The following PTPRT variants were observed in gnomAD, a reference collection of about 807,000 sequenced individuals.
PTPRT encodes the protein receptor-type tyrosine-protein phosphatase T.
A neutral mutation model predicts 176.8 loss-of-function variants in PTPRT; 56 were observed. The ratio of observed to expected loss-of-function variants is 0.32; its 90% confidence interval spans 0.26 to 0.40. The LOEUF is 0.40. PTPRT is among the 10% of genes least tolerant of loss of function. The pLI is 1.00. For synonymous variants in PTPRT, 783 were observed against 739.0 expected, an observed-to-expected ratio of 1.06 and a Z score of -0.96; for missense variants, 1,540 against 1,908.2, an observed-to-expected ratio of 0.81 and a Z score of 3.60.
chr20:43,115,910 G>A (rs996032306), intron 1 of PTPRT, among the ~76,000 whole-genome samples: 2 of 152,208 alleles, frequency 1.3e-5, no homozygotes, highest in Non-Finnish European at 2.9e-5. Flanking sequence ...TCAGCAAACT[G>A]CAGCAATTAT....
chr20:43,159,105 G>C (rs1288355429), intron 1 of PTPRT, among the ~76,000 whole-genome samples: 1 of 152,122 alleles, frequency 6.6e-6, no homozygotes, highest in Non-Finnish European at 1.5e-5. Flanking sequence ...GCCAGTGAAG[G>C]GTGTGTTCTC....
intron 13 of PTPRT, among the ~76,000 whole-genome samples, chr20:42,258,523 T>C (rs1449337415): frequency 2.0e-5 from 3 of 152,188 alleles, no homozygotes; most frequent in Admixed American, 6.6e-5. Flanking sequence ...TATAATTCCA[T>C]AGGGAGACAA....
In PTPRT at chr20:43,189,394, G is replaced by A. The variant is rs367629891; in HGVS notation, c.88+252C>T. Among the ~76,000 whole-genome samples the A allele has an allele frequency of 2.6e-5, 4 of 152,184 alleles. No homozygotes were observed. Among genetic ancestry groups the A allele is most frequent in the South Asian group, 2.1e-4 (1 of 4,832 alleles). On this transcript the variant is annotated intron_variant, in intron 1 of 30. Transcript: ENST00000373187. The surrounding 1 kb of genome is among the most constrained non-coding windows in gnomAD (Gnocchi z 5.0). The stretch of plus-strand genomic sequence containing the variant: ...GCGGAAAGTTACTCCAGCCCGGGGG[G>A]CCGGCAGGAAACTGAAGCGGGGAAC...
At chr20:42,540,155 C>G (rs746956918) in intron 7 of PTPRT, among the ~76,000 whole-genome samples, 1 of 152,054 alleles carries the variant, frequency 6.6e-6, no homozygotes, top group African/African-American at 2.4e-5. Flanking sequence ...CAAGTTTGGA[C>G]AGGGAATTGG....
intron 9 of PTPRT, among the ~76,000 whole-genome samples, chr20:42,409,796 C>T (rs1193822336): frequency 6.6e-6 from 1 of 152,170 alleles, no homozygotes; most frequent in Non-Finnish European, 1.5e-5. Context: ...TAGAATATAG[C>T]AACACATTTT....
At chr20:42,936,347 C>T (rs982822445) in intron 1 of PTPRT, among the ~76,000 whole-genome samples, 1 of 152,168 alleles carries the variant, frequency 6.6e-6, no homozygotes, top group Non-Finnish European at 1.5e-5. Flanking sequence ...ACAGAAGCTG[C>T]AGATGCAAGG....
At chr20:42,439,917 GTTTTGTTTT>G (rs975391826) in intron 9 of PTPRT, among the ~76,000 whole-genome samples, 2 of 152,104 alleles carry the variant, frequency 1.3e-5, no homozygotes, top group African/African-American at 4.8e-5. Flanking sequence ...GTTTATTTTT[GTTTTGTTTT>G]TGAGACAGTC....
chr20:42,774,217 G>T (rs922526996), intron 4 of PTPRT, among the ~76,000 whole-genome samples: 1 of 152,170 alleles, frequency 6.6e-6, no homozygotes, highest in Admixed American at 6.5e-5. Flanking sequence ...CCACCTCCTT[G>T]CCCCATCTTT....
intron 2 of PTPRT, among the ~76,000 whole-genome samples, chr20:42,804,147 T>C (rs944686877): frequency 6.6e-6 from 1 of 152,034 alleles, no homozygotes; most frequent in Non-Finnish European, 1.5e-5. Context: ...CCTGAACCCC[T>C]AGATTTTCTA....
At chr20:43,119,586 C>A (rs1163721137) in intron 1 of PTPRT, among the ~76,000 whole-genome samples, 1 of 152,150 alleles carries the variant, frequency 6.6e-6, no homozygotes, top group Non-Finnish European at 1.5e-5. Context: ...AGTGTTCAGA[C>A]CCAGTTCCCA....
chr20:42,362,892 G>C (rs1398394479), intron 9 of PTPRT, among the ~76,000 whole-genome samples: 1 of 151,774 alleles, frequency 6.6e-6, no homozygotes, highest in African/African-American at 2.4e-5. Flanking sequence ...GATCATCTGG[G>C]GTCAGGAGTT....
rs1350144317 is a variant in PTPRT at position 42,098,428 on chromosome 20, G to A, written c.3839C>T (p.Thr1280Ile). The A allele has an allele frequency of 1.2e-6, 2 of 1,614,032 alleles. No homozygotes were observed. The highest frequency in any genetic ancestry group is 1.7e-6 in the Non-Finnish European group (2 of 1,180,020). ...SSVVMLNEMD[T>I]AQFCMQYWPE... ...GGCTTGGCCTCCTCCTACCTGGGCA[G>A]TGTCCATCTCATTCAGCATCACCAC... The change falls in exon 27 of 31, where the codon ACT becomes ATT. Residue 1280 changes from threonine to isoleucine, a missense_variant. By Grantham distance (89) the Thr-to-Ile change is moderately conservative. Transcript: ENST00000373187.
chr20:42,276,831 T>C (rs1387930253), intron 13 of PTPRT, among the ~76,000 whole-genome samples: 3 of 151,780 alleles, frequency 2.0e-5, no homozygotes, highest in Non-Finnish European at 4.4e-5. Context: ...GTGGCTGTGA[T>C]TCTGTGGATA....
chr20:43,034,886 C>T lies in PTPRT; in HGVS notation c.89-148954G>A, dbSNP rs563326879. On this transcript the variant is annotated intron_variant, in intron 1 of 30. Transcript: ENST00000373187. ...GGGGGGTCCCTGTCTGTCCCCACAACGCCTGCCTTCACCCCTACCTCAACC... is the reference window on the plus strand; with the variant it reads ...GGGGGGTCCCTGTCTGTCCCCACAATGCCTGCCTTCACCCCTACCTCAACC... 1.5e-3 allele frequency among the ~76,000 whole-genome samples: 232 copies of T among 151,994 alleles called. 1 individual carries two copies. The highest frequency in any genetic ancestry group is 3.0e-3 in the Non-Finnish European group (203 of 67,964).
chr20:42,060,569 A>T, the PTPRT span, among the ~76,000 whole-genome samples: 2 of 152,112 alleles, frequency 1.3e-5, no homozygotes, highest in African/African-American at 2.4e-5. Flanking sequence ...GTCTTACAAG[A>T]TCTGATGGTT....
chr20:42,610,385 T>G (rs1040693130), intron 7 of PTPRT, among the ~76,000 whole-genome samples: 27 of 150,368 alleles, frequency 1.8e-4, no homozygotes, highest in Admixed American at 5.3e-4. Context: ...TTTTGTTTTT[T>G]TTTTTTGTTT....
chr20:42,353,509 T>C (rs1225411464), intron 9 of PTPRT, among the ~76,000 whole-genome samples: 1 of 152,222 alleles, frequency 6.6e-6, no homozygotes, highest in Non-Finnish European at 1.5e-5. Flanking sequence ...CAAACTGGTC[T>C]ACACCTGTGG....
At chr20:42,893,056 C>G (rs1234385959) in intron 1 of PTPRT, among the ~76,000 whole-genome samples, 1 of 152,186 alleles carries the variant, frequency 6.6e-6, no homozygotes, top group Non-Finnish European at 1.5e-5. Flanking sequence ...CTTTAAGAAA[C>G]TACCATCAGA....
chr20:42,629,956 T>C (rs554312430), intron 7 of PTPRT, among the ~76,000 whole-genome samples: 23 of 152,312 alleles, frequency 1.5e-4, no homozygotes, highest in South Asian at 2.1e-4. Context: ...GGTGTCCCCA[T>C]AGAAGTCTGC....
Sources: allele counts gnomAD v4.1 joint callset (sites outside exome capture counted in the v4.1 genomes callset), GRCh38; gene constraint gnomAD v4.1.1; non-coding constraint Gnocchi (gnomAD v3.1); transcripts MANE v1.5; gene names NCBI Gene and HGNC (gene_info 2026-07-23, HGNC 2026-07-21).